KCTD1: variants seen among roughly 807,000 people sequenced by gnomAD.
KCTD1 encodes the protein BTB/POZ domain-containing protein KCTD1.
KCTD1 carries 24 observed loss-of-function variants against 66.0 expected under a neutral mutation model. The observed-to-expected ratio is 0.36, with a 90% CI of 0.26 to 0.51. The LOEUF (loss-of-function observed/expected upper bound fraction) is 0.51, where lower values mean the gene tolerates loss of function less well. Ranked by LOEUF, KCTD1 falls within the 20% of genes least tolerant of loss-of-function variation. The pLI is 0.95. For synonymous variants in KCTD1, 511 were observed against 517.2 expected, an observed-to-expected ratio of 0.99 and a Z score of 0.16; for missense variants, 943 against 1,205.2, an observed-to-expected ratio of 0.78 and a Z score of 3.22.
chr18:26,647,552 A>AAAAAAAAAAAAAC, intron 1 of KCTD1, among the ~76,000 whole-genome samples: 1 of 129,700 alleles, frequency 7.7e-6, no homozygotes, highest in African/African-American at 3.0e-5. Context: ...AAAAAAAAAA[A>AAAAAAAAAAAAAC]AAGGGCTGAA....
At chr18:26,619,113 CTT>C (rs1987318593) in intron 1 of KCTD1, among the ~76,000 whole-genome samples, 1 of 152,138 alleles carries the variant, frequency 6.6e-6, no homozygotes, top group Non-Finnish European at 1.5e-5. Context: ...AAAAGTTTAG[CTT>C]AGATATATGT....
At chr18:26,524,565 T>C (rs1015682832) in intron 1 of KCTD1, among the ~76,000 whole-genome samples, 2 of 152,218 alleles carry the variant, frequency 1.3e-5, no homozygotes, top group African/African-American at 4.8e-5. Context: ...ATTGTTCTTT[T>C]TTCAATATTG....
Position 26,456,516 on chromosome 18 carries a change from C to A in KCTD1, c.2440-615G>T, listed in dbSNP as rs561421802. 49 of 152,332 alleles carry A rather than the reference C, an allele frequency of 3.2e-4. 1 individual carries two copies. The highest frequency in any genetic ancestry group is 1.2e-3 in the African/African-American group (49 of 41,578). 9.4% of individuals were successfully genotyped at this position (152,332 alleles called of 1,614,324 possible). A position where few individuals can be genotyped will look rare whatever the true frequency, so the allele number is the denominator to read the frequency against. On this transcript the variant is annotated intron_variant, in intron 4 of 4. Coordinates refer to ENST00000580059, the MANE Select transcript of KCTD1 (RefSeq NM_001142730.3). ...ACTGAAGACACTAGAGGATTATCTA[C>A]AGGTTTTCAAGTTTGTAACATCTGA...
chr18:26,647,552 A>AC (rs1987953930), intron 1 of KCTD1, among the ~76,000 whole-genome samples: 1 of 129,654 alleles, frequency 7.7e-6, no homozygotes, highest in African/African-American at 3.0e-5. Flanking sequence ...AAAAAAAAAA[A>AC]AAGGGCTGAA....
Position 26,455,596 on chromosome 18 carries a change from G to T in KCTD1, c.*147C>A. The T allele has an allele frequency of 2.5e-6, 2 of 799,846 alleles. No individual in the cohort carries two copies. Among genetic ancestry groups the T allele is most frequent in the Non-Finnish European group, 4.0e-6 (2 of 494,956 alleles). The allele number at this position is 799,846 out of a possible 1,614,324, so 49.5% of individuals were successfully genotyped here. ...TCCAATTGTTCCCATATGAATACAG[G>T]TGTGGTCTCTATTGGATATAAATGT... On this transcript the variant is annotated 3_prime_UTR_variant, in exon 5 of 5. Coordinates refer to ENST00000580059, the MANE Select transcript of KCTD1 (RefSeq NM_001142730.3).
At chr18:26,592,443 G>C (rs1365778972) in intron 1 of KCTD1, among the ~76,000 whole-genome samples, 1 of 152,188 alleles carries the variant, frequency 6.6e-6, no homozygotes, top group Non-Finnish European at 1.5e-5. Context: ...TCACCAAGCT[G>C]TGGGGTCTGT....
upstream of KCTD1, among the ~76,000 whole-genome samples, chr18:26,550,682 G>C (rs542848279): frequency 1.3e-5 from 2 of 152,162 alleles, no homozygotes; most frequent in Non-Finnish European, 2.9e-5. The surrounding 1 kb of genome is among the most constrained non-coding windows in gnomAD (Gnocchi z 5.4). Flanking sequence ...GAGGTGGCCG[G>C]CTTTGTTCAC....
At chr18:26,622,444 G>A (rs973105845) in intron 1 of KCTD1, among the ~76,000 whole-genome samples, 3 of 152,066 alleles carry the variant, frequency 2.0e-5, no homozygotes, top group Admixed American at 2.0e-4. Context: ...CTTTCCCAGC[G>A]TCCATGCCTG....
chr18:26,542,973 A>G (rs926014782), intron 1 of KCTD1: 2 of 151,634 alleles, frequency 1.3e-5, no homozygotes, highest in Non-Finnish European at 2.9e-5. Context: ...TGAGTGCATC[A>G]CCTTTTAACT....
intron 1 of KCTD1, among the ~76,000 whole-genome samples, chr18:26,577,167 C>T (rs1221249972): frequency 6.6e-6 from 1 of 152,144 alleles, no homozygotes; most frequent in Non-Finnish European, 1.5e-5. Flanking sequence ...AATACTGGTA[C>T]CCTGCTGTGT....
chr18:26,534,791 A>G (rs1370746986), intron 1 of KCTD1, among the ~76,000 whole-genome samples: 1 of 152,176 alleles, frequency 6.6e-6, no homozygotes, highest in Non-Finnish European at 1.5e-5. Context: ...GAACCCATAG[A>G]GATATGAGTT....
At chr18:26,560,099 A>C (rs1055067895) in intron 1 of KCTD1, among the ~76,000 whole-genome samples, 2 of 151,906 alleles carry the variant, frequency 1.3e-5, no homozygotes, top group Non-Finnish European at 2.9e-5. Flanking sequence ...ACTGCAGAAT[A>C]ATTTAAGACA....
chr18:26,578,637 T>C (rs1182771275), intron 1 of KCTD1, among the ~76,000 whole-genome samples: 1 of 152,224 alleles, frequency 6.6e-6, no homozygotes, highest in Non-Finnish European at 1.5e-5. Flanking sequence ...CTCTAACCCA[T>C]GGGAATAGTA....
intron 1 of KCTD1, among the ~76,000 whole-genome samples, chr18:26,511,679 A>C (rs564089312): frequency 4.6e-5 from 7 of 152,322 alleles, no homozygotes; most frequent in Admixed American, 3.9e-4. Flanking sequence ...TCTAGTAATA[A>C]ATTTACTGTG....
chr18:26,478,885 C>A (rs1262355257), intron 2 of KCTD1, among the ~76,000 whole-genome samples: 2 of 152,104 alleles, frequency 1.3e-5, no homozygotes, highest in Non-Finnish European at 2.9e-5. Flanking sequence ...GTATTCCAAG[C>A]CAGTCAACAA....
rs1428403876 is a variant in KCTD1 at position 26,548,342 on chromosome 18, C to CTCG, written c.192_194dup (p.Asp64dup). 6.7e-7 allele frequency: 1 copy of CTCG among 1,491,666 alleles called. No homozygotes were observed. The allele number at this position is 1,491,666 out of a possible 1,614,324, so 92.4% of individuals were successfully genotyped here. A position where few individuals can be genotyped will look rare whatever the true frequency, so the allele number is the denominator to read the frequency against. On this transcript the variant is annotated inframe_insertion, in exon 1 of 5. Coordinates refer to ENST00000580059, the MANE Select transcript of KCTD1 (RefSeq NM_001142730.3). ...CCCCCGTTATCTGCACCTCCTGGAT[C>CTCG]TCGTCCTCCTCCTCCTCTTCCTCCT...
intron 1 of KCTD1, among the ~76,000 whole-genome samples, chr18:26,588,296 A>AGGG (rs1986515009): frequency 6.7e-6 from 1 of 148,302 alleles, no homozygotes; most frequent in African/African-American, 2.5e-5. Flanking sequence ...GAAAGAGGGA[A>AGGG]AGGAAGGGAA....
At chr18:26,644,693 G>A (rs1157419211), upstream of KCTD1, among the ~76,000 whole-genome samples, 1 of 151,886 alleles carries the variant, frequency 6.6e-6, no homozygotes, top group African/African-American at 2.4e-5. Flanking sequence ...GGGAGGTGGA[G>A]GTTGCCGTGA....
At chr18:26,595,184 G>A (rs1236593705) in intron 1 of KCTD1, among the ~76,000 whole-genome samples, 2 of 152,100 alleles carry the variant, frequency 1.3e-5, no homozygotes, top group African/African-American at 4.8e-5. Context: ...TTCAGGCCTG[G>A]CACAAGGGGC....
Sources: allele counts gnomAD v4.1 joint callset (sites outside exome capture counted in the v4.1 genomes callset), GRCh38; gene constraint gnomAD v4.1.1; non-coding constraint Gnocchi (gnomAD v3.1); transcripts MANE v1.5; gene names NCBI Gene and HGNC (gene_info 2026-07-23, HGNC 2026-07-21).